Variants in CCDC102B observed in about 807,000 individuals in gnomAD.
CCDC102B encodes coiled-coil domain-containing protein 102B.
CCDC102B carries 75 observed loss-of-function variants against 57.4 expected under a neutral mutation model. The ratio of observed to expected loss-of-function variants is 1.31; its 90% CI spans 1.08 to 1.58. The LOEUF is 1.58. Ranked by LOEUF, CCDC102B falls within the 40% of genes most tolerant of loss-of-function variation. The pLI is 0.00. For missense variants in CCDC102B, 636 were observed against 582.6 expected (o/e 1.09, Z -0.94); for synonymous variants, 206 against 201.9 (o/e 1.02, Z -0.17).
chr18:68,879,131 C>T (rs61546410), intron 5 of CCDC102B, among the ~76,000 whole-genome samples: 8,852 of 148,490 alleles, frequency 0.06, 593 homozygotes, highest in African/African-American at 0.16. Flanking sequence ...CTCGTGGTCT[C>T]GCTGGTTTCA....
At chr18:68,993,126 T>G (rs2050919910) in intron 6 of CCDC102B, 1 of 156,126 alleles carries the variant, frequency 6.4e-6, no homozygotes, top group Admixed American at 6.5e-5. Context: ...GTTGCCCATG[T>G]TATAAGCCAT....
At chr18:68,718,046 G>C (rs2032122328) in intron 2 of CCDC102B, 1 of 151,596 alleles carries the variant, frequency 6.6e-6, no homozygotes, top group Admixed American at 6.5e-5. Flanking sequence ...TGGAAGCAGA[G>C]AGCAAACCCT....
intron 6 of CCDC102B, among the ~76,000 whole-genome samples, chr18:68,947,126 T>C (rs1439280821): frequency 6.6e-6 from 1 of 152,058 alleles, no homozygotes; most frequent in African/African-American, 2.4e-5. Context: ...GTGACATTTT[T>C]ATGTAGAATA....
intron 6 of CCDC102B, among the ~76,000 whole-genome samples, chr18:68,956,461 T>A (rs1482388177): frequency 8.1e-4 from 6 of 7,448 alleles, no homozygotes; most frequent in Non-Finnish European, 1.0e-3. Flanking sequence ...ATTATATATT[T>A]TATATATATA....
intron 4 of CCDC102B, among the ~76,000 whole-genome samples, chr18:68,873,028 C>T (rs917926292): frequency 2.0e-5 from 3 of 152,088 alleles, no homozygotes; most frequent in East Asian, 1.9e-4. Context: ...AGAGGTTAAA[C>T]GGGGGCATTC....
In CCDC102B at chr18:69,054,757, G is replaced by A. The variant is rs1324244895; in HGVS notation, c.*620G>A. ...TGATTGAATCTAAGACAGGCTGTAA[G>A]CATCGCTGAGAAACTAAAAGGACTT... On this transcript the variant is annotated 3_prime_UTR_variant, in exon 8 of 8. Coordinates refer to ENST00000360242, the MANE Select transcript of CCDC102B (RefSeq NM_024781.3). The A allele has an allele frequency of 2.0e-6, 2 of 985,168 alleles. No homozygotes were observed. The highest frequency in any genetic ancestry group is 2.4e-6 in the Non-Finnish European group (2 of 829,898). 61.0% of individuals were successfully genotyped at this position (985,168 alleles called of 1,614,324 possible). A position where few individuals can be genotyped will look rare whatever the true frequency, so the allele number is the denominator to read the frequency against.
chr18:68,911,562 C>A (rs948151277), intron 6 of CCDC102B, among the ~76,000 whole-genome samples: 1 of 149,808 alleles, frequency 6.7e-6, no homozygotes, highest in Non-Finnish European at 1.5e-5. Context: ...ACCATCCTGG[C>A]TAACACGGTG....
At chr18:68,732,885 A>G (rs948538887) in intron 2 of CCDC102B, among the ~76,000 whole-genome samples, 1 of 152,138 alleles carries the variant, frequency 6.6e-6, no homozygotes, top group Non-Finnish European at 1.5e-5. Flanking sequence ...CATCCATCGC[A>G]CAAGTGTGGA....
At chr18:68,956,506 TATA>T in intron 6 of CCDC102B, among the ~76,000 whole-genome samples, 1 of 19,446 alleles carries the variant, frequency 5.1e-5, no homozygotes, top group South Asian at 9.8e-4. Context: ...AAATATATAA[TATA>T]TATATCGCAT....
chr18:68,962,615 A>G (rs10871640), intron 6 of CCDC102B, among the ~76,000 whole-genome samples: 25,237 of 151,984 alleles, frequency 0.17, 2,515 homozygotes, highest in African/African-American at 0.27. Flanking sequence ...GGCATTGCAT[A>G]TGTAGTAGCA....
intron 5 of CCDC102B, among the ~76,000 whole-genome samples, chr18:68,893,170 T>C (rs181810392): frequency 3.0e-4 from 46 of 152,338 alleles, no homozygotes; most frequent in African/African-American, 1.1e-3. Context: ...TTTATGACTT[T>C]AGACATTTTT....
chr18:68,758,221 A>G (rs2034124025), intron 2 of CCDC102B, among the ~76,000 whole-genome samples: 1 of 151,764 alleles, frequency 6.6e-6, no homozygotes, highest in Non-Finnish European at 1.5e-5. Flanking sequence ...GTATATATGT[A>G]TTACATATGT....
chr18:68,791,906 G>T (rs2035474841), intron 2 of CCDC102B, among the ~76,000 whole-genome samples: 1 of 152,008 alleles, frequency 6.6e-6, no homozygotes, highest in African/African-American at 2.4e-5. Context: ...AACTGATAGA[G>T]TTTTTGCCTC....
chr18:68,809,348 A>G (rs1421569457), intron 1 of CCDC102B, among the ~76,000 whole-genome samples: 1 of 152,230 alleles, frequency 6.6e-6, no homozygotes, highest in Non-Finnish European at 1.5e-5. Context: ...TATTTGAGAG[A>G]TAATTCAGGA....
Position 68,720,473 on chromosome 18 carries a change from G to T in CCDC102B, c.-67+3879G>T, listed in dbSNP as rs141200814. Among the ~76,000 whole-genome samples, 744 of 152,282 alleles carry T rather than the reference G, an allele frequency of 4.9e-3. 4 individuals are homozygous for T. The highest frequency in any genetic ancestry group is 0.015 in the East Asian group (80 of 5,178). On this transcript the variant is annotated intron_variant, in intron 2 of 3. Transcript: ENST00000578970. Reference sequence around the variant, plus strand: ...GGAAAATATTTAAAAACTCAGGTGAGACTCCACCTTGTGTTCTTTCATTTT... The same window carrying T: ...GGAAAATATTTAAAAACTCAGGTGATACTCCACCTTGTGTTCTTTCATTTT...
chr18:68,784,908 T>C (rs1003439099), intron 2 of CCDC102B, among the ~76,000 whole-genome samples: 7 of 151,998 alleles, frequency 4.6e-5, no homozygotes, highest in Admixed American at 3.9e-4. Flanking sequence ...ACATGTGCCA[T>C]GCTGGTGCGC....
At chr18:68,996,592 C>T (rs915981896) in intron 6 of CCDC102B, among the ~76,000 whole-genome samples, 1 of 152,190 alleles carries the variant, frequency 6.6e-6, no homozygotes, top group Non-Finnish European at 1.5e-5. Context: ...GGATTTTGGA[C>T]TTGCATGGGG....
chr18:68,874,896 G>A, intron 5 of CCDC102B, 111 bp downstream of exon 5: 1 of 665,274 alleles, frequency 1.5e-6, no homozygotes, highest in South Asian at 1.9e-5. Context: ...CTTTATGAAA[G>A]TGAATGCTGC....
chr18:68,769,820 G>A (rs2034583090), intron 2 of CCDC102B, among the ~76,000 whole-genome samples: 1 of 152,194 alleles, frequency 6.6e-6, no homozygotes, highest in African/African-American at 2.4e-5. Flanking sequence ...AACAGATTAT[G>A]TTGATCCTTA....
Sources: allele counts gnomAD v4.1 joint callset (sites outside exome capture counted in the v4.1 genomes callset), GRCh38; gene constraint gnomAD v4.1.1; transcripts MANE v1.5; gene names NCBI Gene and HGNC (gene_info 2026-07-23, HGNC 2026-07-21).